The following HDAC7 variants were observed in gnomAD, a reference collection of about 807,000 sequenced individuals.
HDAC7 encodes histone deacetylase 7A.
HDAC7 carries 26 observed loss-of-function variants against 115.5 expected under a neutral mutation model. The ratio of observed to expected loss-of-function variants is 0.23; its 90% CI spans 0.16 to 0.31. HDAC7 has a LOEUF of 0.31. HDAC7 is among the 10% of genes least tolerant of loss of function. The probability of loss-of-function intolerance (pLI) is 1.00; values close to 1 mark genes in which losing one functional copy is unlikely to be tolerated. For synonymous variants in HDAC7, 564 were observed against 550.9 expected, an observed-to-expected ratio of 1.02 and a Z score of -0.33; for missense variants, 1,068 against 1,329.0, an observed-to-expected ratio of 0.80 and a Z score of 3.05.
At chr12:47,788,983 G>A in intron 19 of HDAC7, 1 of 432,550 alleles carries the variant, frequency 2.3e-6, no homozygotes, top group Admixed American at 4.0e-5. Context: ...TACTAGATCT[G>A]CCAAAAGAAG....
rs758528692 is a variant in HDAC7 at position 47,796,157 on chromosome 12, G to A, written c.795+50C>T. 3.2e-6 allele frequency: 5 copies of A among 1,561,160 alleles called. No individual in the cohort carries two copies. The African/African-American group carries it at 6.7e-5, about 21-fold the overall frequency. On this transcript the variant is annotated intron_variant, in intron 8 of 25. Coordinates refer to ENST00000080059, the MANE Select transcript of HDAC7 (RefSeq NM_015401.5). ...AGGTAGGGCCGCCTGCTGGAAGAAG[G>A]CTGAGCCTCAGAACTGCCCCAGGAG...
At chr12:47,784,555 G>T in intron 24 of HDAC7, 1 of 651,314 alleles carries the variant, frequency 1.5e-6, no homozygotes, top group African/African-American at 1.8e-5. Flanking sequence ...CTTGCCTGCA[G>T]ACAGGGTCTG....
Position 47,806,065 on chromosome 12 carries a change from G to A in HDAC7, c.20-3791C>T, listed in dbSNP as rs140210814. Among the ~76,000 whole-genome samples, 29 of 152,334 alleles carry A rather than the reference G, an allele frequency of 1.9e-4. No individual in the cohort carries two copies. The East Asian group carries it at 3.3e-3, about 17-fold the overall frequency. On this transcript the variant is annotated intron_variant, in intron 1 of 25. Coordinates refer to ENST00000080059, the MANE Select transcript of HDAC7 (RefSeq NM_015401.5). Reference sequence around the variant, plus strand: ...TCCCAGACTCCCTAGAACTTCCCTGGAAGCCGCCCTTTCTAACAGCTTCTT... The same window carrying A: ...TCCCAGACTCCCTAGAACTTCCCTGAAAGCCGCCCTTTCTAACAGCTTCTT...
At chr12:47,812,583 C>G (rs149851976) in intron 1 of HDAC7, among the ~76,000 whole-genome samples, 1 of 152,300 alleles carries the variant, frequency 6.6e-6, no homozygotes, top group East Asian at 1.9e-4. Flanking sequence ...CATAATCACA[C>G]TTGCAGGAGA....
At chr12:47,815,624 T>G (rs191246329) in intron 1 of HDAC7, among the ~76,000 whole-genome samples, 21 of 152,328 alleles carry the variant, frequency 1.4e-4, no homozygotes, top group Non-Finnish European at 2.5e-4. Flanking sequence ...CTGAATGTTT[T>G]TAATTTTGAG....
chr12:47,813,637 A>G (rs1565589836), intron 1 of HDAC7, among the ~76,000 whole-genome samples: 1 of 152,162 alleles, frequency 6.6e-6, no homozygotes, highest in Non-Finnish European at 1.5e-5. Flanking sequence ...TGGTGCGGAG[A>G]CAGGGTGGGG....
intron 24 of HDAC7, chr12:47,784,642 C>T (rs1943056952): frequency 6.4e-6 from 9 of 1,399,708 alleles, no homozygotes; most frequent in South Asian, 1.3e-5. Context: ...CAGCCCAGCA[C>T]TCAGGAAAGG....
chr12:47,795,575 C>A lies in HDAC7; in HGVS notation c.1087+12G>T, dbSNP rs562928225. Reference sequence around the variant, plus strand: ...GGACCCAGCCCCTTCCCTGAAGAAGCAGCAGACTCACCAGTCAGCAGCGGG... The same window carrying A: ...GGACCCAGCCCCTTCCCTGAAGAAGAAGCAGACTCACCAGTCAGCAGCGGG... On this transcript the variant is annotated intron_variant, in intron 10 of 25. Transcript: ENST00000080059. This position sits in a 1 kb window ranked among gnomAD's most constrained non-coding sequence, Gnocchi z 4.3. 3.9e-6 allele frequency: 6 copies of A among 1,555,522 alleles called. No individual in the cohort carries two copies. The African/African-American group carries it at 5.5e-5, about 14-fold the overall frequency.
At position 47,795,452 on chromosome 12, in the gene HDAC7, G is replaced by T. The variant is rs79022207; in HGVS notation, c.1088-72C>A. On this transcript the variant is annotated intron_variant, in intron 10 of 25. Transcript: ENST00000080059. This position sits in a 1 kb window ranked among gnomAD's most constrained non-coding sequence, Gnocchi z 4.3. Reference sequence around the variant, plus strand: ...ATGGAAGGAAGCGAGGGTATAGGGTGGGGGGCCAGGGTGCAGCAGGGCAAT... The same window carrying T: ...ATGGAAGGAAGCGAGGGTATAGGGTTGGGGGCCAGGGTGCAGCAGGGCAAT... 1,342 of 1,385,444 alleles carry T rather than the reference G, an allele frequency of 9.7e-4. 16 individuals carry two copies. In the African/African-American group the frequency reaches 0.016, roughly 17 times the overall value. The allele number at this position is 1,385,444 out of a possible 1,614,324, so 85.8% of individuals were successfully genotyped here.
chr12:47,819,699 C>G, intron 1 of HDAC7, 68 bp downstream of exon 1: 2 of 334,820 alleles, frequency 6.0e-6, no homozygotes, highest in Non-Finnish European at 8.6e-6. Context: ...GGCCGGAGGC[C>G]GAGCCTGGGC....
intron 16 of HDAC7, 113 bp from the exon 17 acceptor site, chr12:47,790,033 G>C: frequency 5.3e-6 from 4 of 750,012 alleles, no homozygotes; most frequent in South Asian, 2.9e-5. Context: ...GAGCTGGGCA[G>C]ACAGTGCTGC....
chr12:47,811,635 T>C (rs759572184), intron 1 of HDAC7, among the ~76,000 whole-genome samples: 3 of 152,242 alleles, frequency 2.0e-5, no homozygotes, highest in African/African-American at 4.8e-5. Context: ...GTATCCACAA[T>C]GCACATGGAC....
chr12:47,790,175 T>G, intron 16 of HDAC7: 3 of 490,690 alleles, frequency 6.1e-6, no homozygotes, highest in Non-Finnish European at 1.1e-5. Context: ...CACGCCTGCC[T>G]CCCCGGTCAG....
chr12:47,783,569 A>C lies in HDAC7; in HGVS notation c.*272T>G. The C allele has an allele frequency of 4.0e-6, 2 of 498,908 alleles. No individual in the cohort carries two copies. Among genetic ancestry groups the C allele is most frequent in the Non-Finnish European group, 7.3e-6 (2 of 273,608 alleles). 30.9% of individuals were successfully genotyped at this position (498,908 alleles called of 1,614,324 possible). A position where few individuals can be genotyped will look rare whatever the true frequency, so the allele number is the denominator to read the frequency against. On this transcript the variant is annotated 3_prime_UTR_variant, in exon 26 of 26. Coordinates refer to ENST00000080059, the MANE Select transcript of HDAC7 (RefSeq NM_015401.5). ...GTCCTGAGGAATGGGGGCCACAGCC[A>C]GGGCCCATACTGGAGGGGAGAATCT...
At chr12:47,784,973 T>C (rs1175097890) in intron 24 of HDAC7, 2 of 601,782 alleles carry the variant, frequency 3.3e-6, no homozygotes, top group African/African-American at 3.7e-5. Flanking sequence ...TTAAAGTACT[T>C]TACAAATGTG....
At chr12:47,791,407 G>T in intron 15 of HDAC7, 99 bp from the exon 16 acceptor site, 1 of 1,401,974 alleles carries the variant, frequency 7.1e-7, no homozygotes. Context: ...TGAGTATTGG[G>T]GGAGAGAAAT....
rs778818738 is a variant in HDAC7, at chr12:47,798,552, A to G, written c.349+10T>C. 1 of 1,612,424 alleles carries G rather than the reference A, an allele frequency of 6.2e-7. No individual in the cohort carries two copies. Among genetic ancestry groups the G allele is most frequent in the Non-Finnish European group, 8.5e-7 (1 of 1,179,400 alleles). ...GGGGCTGGGCTGGGCTGGGGTGGCC[A>G]CCTCCTTACTTCGCTTGCTCTTGTC... On this transcript the variant is annotated intron_variant, in intron 4 of 25. Coordinates refer to ENST00000080059, the MANE Select transcript of HDAC7 (RefSeq NM_015401.5). The surrounding 1 kb of genome is among the most constrained non-coding windows in gnomAD (Gnocchi z 4.3).
chr12:47,814,453 G>T (rs1169992676), intron 1 of HDAC7, among the ~76,000 whole-genome samples: 1 of 152,238 alleles, frequency 6.6e-6, no homozygotes, highest in African/African-American at 2.4e-5. Context: ...GAGAAGGGAA[G>T]GAGGTGGGAG....
chr12:47,804,293 C>T (rs896104080), intron 1 of HDAC7, among the ~76,000 whole-genome samples: 1 of 152,168 alleles, frequency 6.6e-6, no homozygotes, highest in Non-Finnish European at 1.5e-5. Context: ...TCCCTGGCCC[C>T]GTGCTGAGGG....
Sources: gnomAD v4.1 joint callset for allele counts (sites outside exome capture counted in the v4.1 genomes callset) on GRCh38, gnomAD v4.1.1 for gene constraint, Gnocchi (gnomAD v3.1) non-coding constraint, MANE v1.5 for transcripts, NCBI Gene and HGNC (gene_info 2026-07-23, HGNC 2026-07-21) for gene names.